The following TRPM1 variants were observed in gnomAD, a reference collection of about 807,000 sequenced individuals.
TRPM1 encodes the protein transient receptor potential cation channel subfamily M member 1.
In TRPM1, 113 loss-of-function variants were observed where a neutral mutation model predicts 149.4. The ratio of observed to expected loss-of-function variants is 0.76; its 90% confidence interval spans 0.65 to 0.88. TRPM1 has a LOEUF of 0.88. Ranked by LOEUF, TRPM1 falls within the 40% of genes least tolerant of loss-of-function variation. TRPM1 has a pLI of 0.00. For synonymous variants in TRPM1, 741 were observed against 759.5 expected, an observed-to-expected ratio of 0.98 and a Z score of 0.40; for missense variants, 1,976 against 2,038.7, an observed-to-expected ratio of 0.97 and a Z score of 0.59.
At chr15:31,102,483 C>T (rs2141016578), upstream of TRPM1, among the ~76,000 whole-genome samples, 1 of 152,354 alleles carries the variant, frequency 6.6e-6, no homozygotes, top group African/African-American at 2.4e-5. Context: ...CACAGAGGAG[C>T]AGACAGATTG....
At chr15:31,029,305 G>T in intron 24 of TRPM1, 66 bp downstream of exon 24, 1 of 1,523,374 alleles carries the variant, frequency 6.6e-7, no homozygotes, top group Non-Finnish European at 9.1e-7. Context: ...CTAGTAATCA[G>T]CTAAGGAAAA....
At chr15:31,034,058 A>G (rs1235498610) in intron 21 of TRPM1, among the ~76,000 whole-genome samples, 1 of 152,216 alleles carries the variant, frequency 6.6e-6, no homozygotes, top group East Asian at 1.9e-4. Flanking sequence ...TTGGTTGTAT[A>G]TCAGTTGGAG....
chr15:31,069,305 T>C, intron 4 of TRPM1: 1 of 573,762 alleles, frequency 1.7e-6, no homozygotes, highest in Non-Finnish European at 2.2e-6. Flanking sequence ...CTAATAATGC[T>C]CAGATGCCTT....
intron 11 of TRPM1, among the ~76,000 whole-genome samples, chr15:31,055,180 G>A (rs1426883613): frequency 1.3e-5 from 2 of 152,174 alleles, no homozygotes; most frequent in South Asian, 4.1e-4. Context: ...ACTATTAAAA[G>A]AAGATTTTGG....
rs542578667 is a variant in TRPM1 at position 31,087,029 on chromosome 15, T to C, written c.-83-5591A>G. ...AAAAATTAAAACCACAATGAGATAC[T>C]ATCTCATGCCCATTAGGATGGATAC... On this transcript the variant is annotated intron_variant, in intron 1 of 27. Coordinates refer to ENST00000256552, the MANE Select transcript of TRPM1 (RefSeq NM_001252024.2). Among the ~76,000 whole-genome samples the C allele has an allele frequency of 9.9e-5, 15 of 152,102 alleles. No homozygotes were observed. The South Asian group carries it at 3.1e-3, about 32-fold the overall frequency.
At chr15:31,049,936 C>T (rs2033900602) in intron 12 of TRPM1, among the ~76,000 whole-genome samples, 1 of 152,182 alleles carries the variant, frequency 6.6e-6, no homozygotes, top group Admixed American at 6.5e-5. Context: ...CCCTGTCTTG[C>T]CTGTGTCCTG....
Position 31,063,107 on chromosome 15 carries a change from A to G in TRPM1, c.965+11T>C. The G allele has an allele frequency of 6.2e-7, 1 of 1,614,218 alleles. No individual in the cohort carries two copies. The highest frequency in any genetic ancestry group is 1.1e-5 in the South Asian group (1 of 91,084). ...ACGAACCCGCCCTTCCTCGCGCGTC[A>G]GAAATCCTACCCGCCTTCTTCACAG... On this transcript the variant is annotated intron_variant, in intron 8 of 27. Transcript: ENST00000256552.
rs534221059 is a variant in TRPM1 at position 31,067,095 on chromosome 15, C to T, written c.586G>A (p.Val196Met). The T allele has an allele frequency of 1.7e-5, 28 of 1,614,186 alleles. No homozygotes were observed. In the Admixed American group the frequency reaches 2.8e-4, roughly 16 times the overall value. The stretch of plus-strand genomic sequence containing the variant: ...CCAACCAGGTCTTCCTTATTCTCCA[C>T]GATGCCCCATGGAGCAATTCCTATA... Reference protein sequence around the residue: ...CAIGIAPWGIVENKEDLVGKD... With the variant: ...CAIGIAPWGIMENKEDLVGKD... The change falls in exon 6 of 28, where the codon GTG (valine) becomes ATG (methionine). Residue 196 changes from valine (V) to methionine (M), a missense_variant. Val to Met is a conservative substitution (Grantham distance 21, BLOSUM62 1). Coordinates refer to ENST00000256552, the MANE Select transcript of TRPM1 (RefSeq NM_001252024.2).
At chr15:31,099,326 G>T (rs1474755295) in intron 1 of TRPM1, among the ~76,000 whole-genome samples, 8 of 152,066 alleles carry the variant, frequency 5.3e-5, no homozygotes, top group Admixed American at 5.2e-4. Flanking sequence ...GGAAGGCTTG[G>T]GGGTATTGTG....
intron 27 of TRPM1, among the ~76,000 whole-genome samples, chr15:31,020,397 C>A (rs2032513761): frequency 6.6e-6 from 1 of 152,234 alleles, no homozygotes; most frequent in South Asian, 2.1e-4. Flanking sequence ...GGGCGCATGG[C>A]CTCCTTCAGC....
intron 1 of TRPM1, among the ~76,000 whole-genome samples, chr15:31,125,046 A>G (rs2035929748): frequency 6.6e-6 from 1 of 152,096 alleles, no homozygotes; most frequent in African/African-American, 2.4e-5. Context: ...GTGGTGGCGC[A>G]TGCCTGTAAT....
intron 7 of TRPM1, among the ~76,000 whole-genome samples, chr15:31,065,798 C>A (rs73374030): frequency 0.025 from 3,755 of 152,308 alleles, 154 homozygotes; most frequent in African/African-American, 0.086. Flanking sequence ...GGAACAAGAA[C>A]CACTGGGCAA....
At chr15:31,105,431 GTC>G (rs2035588982), upstream of TRPM1, among the ~76,000 whole-genome samples, 2 of 123,540 alleles carry the variant, frequency 1.6e-5, no homozygotes, top group Admixed American at 8.4e-5. Flanking sequence ...GAAGCTGTGT[GTC>G]TCTGTGTGTG....
chr15:31,010,742 T>C (rs2032155499), intron 27 of TRPM1, among the ~76,000 whole-genome samples: 1 of 152,200 alleles, frequency 6.6e-6, no homozygotes, highest in Non-Finnish European at 1.5e-5. Flanking sequence ...AATGAATATA[T>C]ATTTTGCTGT....
intron 15 of TRPM1, among the ~76,000 whole-genome samples, chr15:31,046,475 G>A (rs1036784126): frequency 2.0e-5 from 3 of 152,214 alleles, no homozygotes; most frequent in African/African-American, 7.2e-5. Context: ...GGTAGAAACC[G>A]AGAAGTTCCC....
In TRPM1 at chr15:31,026,941, T is replaced by TC; in HGVS notation, c.3469dup (p.Asp1157GlyfsTer14). On this transcript the variant is annotated frameshift_variant, in exon 26 of 28. Coordinates refer to ENST00000256552, the MANE Select transcript of TRPM1 (RefSeq NM_001252024.2). LOFTEE classifies it high-confidence loss of function. ...CAATCCACGATCCCGTTCCTCTTGGTCCCCTTCTCTCTTTTTCCTGCAGCG... is the reference window on the plus strand; with the variant it reads ...CAATCCACGATCCCGTTCCTCTTGGTCCCCCTTCTCTCTTTTTCCTGCAGCG... 1 of 1,614,042 alleles carries TC rather than the reference T, an allele frequency of 6.2e-7. No homozygotes were observed. Among genetic ancestry groups the TC allele is most frequent in the Non-Finnish European group, 8.5e-7 (1 of 1,180,006 alleles).
intron 1 of TRPM1, among the ~76,000 whole-genome samples, chr15:31,127,161 G>T (rs1458817655): frequency 1.3e-5 from 2 of 152,136 alleles, no homozygotes; most frequent in Non-Finnish European, 2.9e-5. Flanking sequence ...TTCCTTCTGG[G>T]TTTCTAGGTG....
At chr15:31,126,263 T>A (rs2035950353) in intron 1 of TRPM1, among the ~76,000 whole-genome samples, 1 of 152,066 alleles carries the variant, frequency 6.6e-6, no homozygotes, top group African/African-American at 2.4e-5. Flanking sequence ...ATAAAACAGA[T>A]AACAAATTCA....
At chr15:31,016,866 A>T (rs1456009783) in intron 27 of TRPM1, among the ~76,000 whole-genome samples, 1 of 152,054 alleles carries the variant, frequency 6.6e-6, no homozygotes, top group Non-Finnish European at 1.5e-5. Flanking sequence ...GTGATCCTCC[A>T]CGCCCATATT....
Sources: gnomAD v4.1 joint callset for allele counts (sites outside exome capture counted in the v4.1 genomes callset) on GRCh38, gnomAD v4.1.1 for gene constraint, MANE v1.5 for transcripts, NCBI Gene and HGNC (gene_info 2026-07-23, HGNC 2026-07-21) for gene names.